Variants in SMURF2 observed in about 807,000 individuals in gnomAD.
The protein encoded by SMURF2 is E3 ubiquitin-protein ligase SMURF2.
Under a neutral mutation model 109.6 loss-of-function variants are expected in SMURF2, and 48 were observed. The observed-to-expected ratio is 0.44, with a 90% confidence interval of 0.35 to 0.56. The LOEUF is 0.56. Among genes scored for constraint, SMURF2 ranks in the 20% least tolerant of loss-of-function variants. SMURF2 has a pLI of 0.01. For missense variants in SMURF2, 575 were observed against 909.0 expected, an observed-to-expected ratio of 0.63 and a Z score of 4.72; for synonymous variants, 288 against 317.1, an observed-to-expected ratio of 0.91 and a Z score of 0.97.
chr17:64,585,213 G>A (rs200843244), intron 6 of SMURF2, among the ~76,000 whole-genome samples: 2 of 152,132 alleles, frequency 1.3e-5, no homozygotes, highest in African/African-American at 4.8e-5. Context: ...GTTAGAACTA[G>A]TATCAAAGAG....
chr17:64,625,672 G>T (rs1184888413), intron 1 of SMURF2, among the ~76,000 whole-genome samples: 1 of 152,036 alleles, frequency 6.6e-6, no homozygotes, highest in Non-Finnish European at 1.5e-5. Context: ...CTTCCTAGAG[G>T]GCCTGTTAAA....
At position 64,555,018 on chromosome 17, in the gene SMURF2, T is replaced by C. The variant is rs782439202; in HGVS notation, c.1611-25A>G. The C allele has an allele frequency of 1.1e-5, 17 of 1,603,984 alleles. No homozygotes were observed. The East Asian group carries it at 2.7e-4, about 25-fold the overall frequency. On this transcript the variant is annotated intron_variant, in intron 14 of 18. Transcript: ENST00000262435. Reference sequence around the variant, plus strand: ...ACTGGATAGGAAAGAGGAAAAGATATGTAACTGGGAAACCTAAAATACAGA... The same window carrying C: ...ACTGGATAGGAAAGAGGAAAAGATACGTAACTGGGAAACCTAAAATACAGA...
At chr17:64,561,705 G>A in intron 11 of SMURF2, 102 bp from the exon 12 acceptor site, 3 of 837,480 alleles carry the variant, frequency 3.6e-6, no homozygotes, top group Non-Finnish European at 5.5e-6. Flanking sequence ...GTCTAAATAA[G>A]GTGAAATTTG....
intron 1 of SMURF2, among the ~76,000 whole-genome samples, chr17:64,616,147 A>G (rs1568196506): frequency 6.6e-6 from 1 of 152,204 alleles, no homozygotes; most frequent in Non-Finnish European, 1.5e-5. Context: ...TATTTTCTTA[A>G]TATGCTATTA....
At chr17:64,661,793 C>A in intron 1 of SMURF2, 36 bp downstream of exon 1, 1 of 1,216,778 alleles carries the variant, frequency 8.2e-7, no homozygotes, top group Non-Finnish European at 1.0e-6. Flanking sequence ...TCGCCCACCC[C>A]GCGGCTGCCC....
intron 1 of SMURF2, among the ~76,000 whole-genome samples, chr17:64,632,118 C>T (rs979715202): frequency 6.6e-6 from 1 of 152,042 alleles, no homozygotes; most frequent in Non-Finnish European, 1.5e-5. Context: ...ACTACCACAC[C>T]CAGCTAATTT....
At chr17:64,576,868 CTATCCT>C (rs1969499268) in intron 9 of SMURF2, among the ~76,000 whole-genome samples, 7 of 104,708 alleles carry the variant, frequency 6.7e-5, no homozygotes, top group African/African-American at 2.6e-4. Flanking sequence ...TTTTCTTTTT[CTATCCT>C]TTTTTTTTTT....
intron 2 of SMURF2, among the ~76,000 whole-genome samples, chr17:64,599,564 G>C (rs147048002): frequency 4.1e-4 from 63 of 152,274 alleles, no homozygotes; most frequent in Middle Eastern, 3.4e-3. Context: ...TGAGCGGTGG[G>C]AGAGTAAGCA....
intron 15 of SMURF2, among the ~76,000 whole-genome samples, chr17:64,552,786 C>A (rs1198219288): frequency 4.6e-5 from 7 of 152,174 alleles, no homozygotes; most frequent in African/African-American, 1.7e-4. Flanking sequence ...TCACTGCAAC[C>A]TCCACCTCCC....
intron 15 of SMURF2, among the ~76,000 whole-genome samples, chr17:64,552,197 AAAAGCCAATAGCAAGCACTTTTTG>A (rs1172552883): frequency 5.9e-5 from 9 of 152,248 alleles, no homozygotes; most frequent in African/African-American, 2.2e-4. Context: ...AATAAATAGT[AAAAGCCAATAGCAAGCACTTTTTG>A]ATTAAATAAT....
intron 1 of SMURF2, among the ~76,000 whole-genome samples, chr17:64,607,471 C>T (rs1259437857): frequency 6.6e-6 from 1 of 151,622 alleles, no homozygotes; most frequent in Non-Finnish European, 1.5e-5. Context: ...ACTAAAAATA[C>T]AAAAATTAGC....
At chr17:64,571,185 C>T (rs576629498) in intron 10 of SMURF2, among the ~76,000 whole-genome samples, 3 of 152,076 alleles carry the variant, frequency 2.0e-5, no homozygotes, top group African/African-American at 7.2e-5. Context: ...ATTACAATGG[C>T]AACACAAAAT....
chr17:64,573,634 G>A (rs888887382), intron 9 of SMURF2, among the ~76,000 whole-genome samples: 3 of 152,144 alleles, frequency 2.0e-5, no homozygotes, highest in Admixed American at 6.5e-5. Context: ...TCGGGGGACT[G>A]AGTAAAGATG....
rs143629300 is a variant in SMURF2 at position 64,571,939 on chromosome 17, T to C, written c.875A>G (p.Asn292Ser). 2.1e-4 allele frequency: 337 copies of C among 1,612,400 alleles called. 2 individuals are homozygous for C. The East Asian group carries it at 6.4e-3, about 31-fold the overall frequency. ...AGGCAATGGACCAAGCTCTTCACAATTGATGTTGCTAAGATCCCTGCAAAA... is the reference window on the plus strand; with the variant it reads ...AGGCAATGGACCAAGCTCTTCACAACTGATGTTGCTAAGATCCCTGCAAAA... ...PRVPRDLSNI[N>S]CEELGPLPPG... The change falls in exon 10 of 19, where the codon AAT becomes AGT. Residue 292 changes from asparagine to serine, a missense_variant. Transcript: ENST00000262435.
At chr17:64,617,420 T>A (rs1970141473) in intron 1 of SMURF2, among the ~76,000 whole-genome samples, 1 of 152,186 alleles carries the variant, frequency 6.6e-6, no homozygotes, top group Non-Finnish European at 1.5e-5. Context: ...GAGGTAATTA[T>A]CCTAAGAACA....
chr17:64,550,757 CAAAAAAA>C (rs146307567), intron 16 of SMURF2, among the ~76,000 whole-genome samples: 11 of 69,710 alleles, frequency 1.6e-4, no homozygotes, highest in Non-Finnish European at 2.5e-4. Flanking sequence ...ACTCTGTCTC[CAAAAAAA>C]AAAAAAAAAA....
At chr17:64,563,232 T>A (rs968208965) in intron 10 of SMURF2, 9 of 254,686 alleles carry the variant, frequency 3.5e-5, no homozygotes, top group Non-Finnish European at 6.7e-5. Context: ...ATTTTTCCAA[T>A]ATAGCTTCCA....
At chr17:64,642,888 A>G (rs1385621401) in intron 1 of SMURF2, among the ~76,000 whole-genome samples, 42 of 151,840 alleles carry the variant, frequency 2.8e-4, no homozygotes, top group Non-Finnish European at 1.3e-4. Flanking sequence ...TCGACCTCCC[A>G]GGCTCAAGAG....
Position 64,605,744 on chromosome 17 carries a change from A to AATATATATATATATATATAT in SMURF2, c.91+838_91+857dup, listed in dbSNP as rs71158333. On this transcript the variant is annotated intron_variant, in intron 2 of 18. Transcript: ENST00000262435. ...AGGGCAAGATCCTGTCTCTAAAAAGAATATATATATATATATATATATATA... is the reference window on the plus strand; with the variant it reads ...AGGGCAAGATCCTGTCTCTAAAAAGAATATATATATATATATATATATATATATATATATATATATATATA... Among the ~76,000 whole-genome samples the AATATATATATATATATATAT allele has an allele frequency of 2.1e-3, 204 of 99,034 alleles. 1 individual carries two copies. The highest frequency in any genetic ancestry group is 4.2e-3 in the African/African-American group (105 of 24,936). 65.0% of individuals were successfully genotyped at this position (99,034 alleles called of 152,430 possible).
Sources: allele counts gnomAD v4.1 joint callset (sites outside exome capture counted in the v4.1 genomes callset), GRCh38; gene constraint gnomAD v4.1.1; transcripts MANE v1.5; gene names NCBI Gene and HGNC (gene_info 2026-07-23, HGNC 2026-07-21).